The following TENM3 variants were observed in gnomAD, a reference collection of about 807,000 sequenced individuals.
TENM3 encodes teneurin-3.
TENM3 carries 63 observed loss-of-function variants against 255.1 expected under a neutral mutation model. The ratio of observed to expected loss-of-function variants is 0.25; its 90% CI spans 0.20 to 0.30. The LOEUF (loss-of-function observed/expected upper bound fraction) is 0.30, where lower values mean the gene tolerates loss of function less well. TENM3 is among the 10% of genes least tolerant of loss of function. The pLI is 1.00. For synonymous variants in TENM3, 1,306 were observed against 1,322.3 expected, an observed-to-expected ratio of 0.99 and a Z score of 0.27; for missense variants, 2,929 against 3,461.1, an observed-to-expected ratio of 0.85 and a Z score of 3.86.
intron 1 of TENM3, among the ~76,000 whole-genome samples, chr4:182,284,863 T>C (rs894343420): frequency 6.6e-6 from 1 of 152,198 alleles, no homozygotes; most frequent in African/African-American, 2.4e-5. Context: ...TCTGATTCTA[T>C]TAAGCATCAA....
the TENM3 span, among the ~76,000 whole-genome samples, chr4:181,855,629 G>GC: frequency 6.6e-6 from 1 of 152,148 alleles, no homozygotes; most frequent in South Asian, 2.1e-4. Context: ...TTGAACTTAA[G>GC]GTTATTATTC....
chr4:182,518,319 G>T (rs943593168), intron 3 of TENM3, among the ~76,000 whole-genome samples: 4 of 152,116 alleles, frequency 2.6e-5, no homozygotes, highest in Non-Finnish European at 5.9e-5. Flanking sequence ...CTGTGAGTGG[G>T]ATCTGTGAAT....
At position 182,793,188 on chromosome 4, in the gene TENM3, C is replaced by G. The variant is rs773829755; in HGVS notation, c.6516C>G (p.Pro2172=). The change falls in exon 26 of 28, where the codon CCC becomes CCG. Residue 2172 remains proline, a synonymous_variant. Coordinates refer to ENST00000511685, the MANE Select transcript of TENM3 (RefSeq NM_001080477.4). The surrounding 1 kb of genome is among the most constrained non-coding windows in gnomAD (Gnocchi z 5.7). The part of the protein sequence containing the change: ...LNPSNSARLT[P]LRYDLRDRIT... ...CAAGTAACAGTGCGCGTCTGACACC[C>G]CTTCGCTATGACCTGCGAGACAGAA... 6.2e-7 allele frequency: 1 copy of G among 1,613,974 alleles called. No homozygotes were observed.
chr4:182,681,116 C>T (rs1032582231), intron 10 of TENM3, among the ~76,000 whole-genome samples: 1 of 152,074 alleles, frequency 6.6e-6, no homozygotes, highest in Non-Finnish European at 1.5e-5. Context: ...ACATAATATG[C>T]TACCTAAAAG....
chr4:182,518,596 C>T (rs947447662), intron 3 of TENM3, among the ~76,000 whole-genome samples: 2 of 152,078 alleles, frequency 1.3e-5, no homozygotes, highest in Non-Finnish European at 2.9e-5. Flanking sequence ...GGCCTCAGTC[C>T]CATAGCTGCA....
intron 1 of TENM3, among the ~76,000 whole-genome samples, chr4:182,188,504 G>T (rs1394372626): frequency 1.3e-5 from 2 of 152,304 alleles, no homozygotes; most frequent in East Asian, 3.9e-4. Flanking sequence ...ACATTGCAAA[G>T]ACTAGGTTGA....
chr4:181,860,515 T>C, the TENM3 span, among the ~76,000 whole-genome samples: 1 of 152,210 alleles, frequency 6.6e-6, no homozygotes, highest in Non-Finnish European at 1.5e-5. Flanking sequence ...TTTGTGGTAA[T>C]AGAGGATTTC....
At chr4:181,950,412 G>A in the TENM3 span, among the ~76,000 whole-genome samples, 5 of 152,100 alleles carry the variant, frequency 3.3e-5, no homozygotes, top group African/African-American at 9.7e-5. Flanking sequence ...ACAGGGACGC[G>A]CATGAAACTT....
intron 24 of TENM3, among the ~76,000 whole-genome samples, chr4:182,777,372 G>A (rs1764755403): frequency 6.6e-6 from 1 of 151,910 alleles, no homozygotes; most frequent in South Asian, 2.1e-4. Context: ...CTGTGCCATT[G>A]CACCTAGATC....
At chr4:181,795,279 GGT>G in the TENM3 span, among the ~76,000 whole-genome samples, 1 of 151,968 alleles carries the variant, frequency 6.6e-6, no homozygotes, top group African/African-American at 2.4e-5. Context: ...TGGCTGACAT[GGT>G]TCTCTGTGAG....
rs556418935 is a variant in TENM3, at chr4:182,719,609, G to A, written c.2368+5376G>A. 2.9e-4 allele frequency among the ~76,000 whole-genome samples: 44 copies of A among 152,120 alleles called. No homozygotes were observed. In the East Asian group the frequency reaches 7.2e-3, roughly 25 times the overall value. ...TTATTACTTTTTGGGGGGTATATCA[G>A]GAAGATGTACCTAAAACAGGCCATT... On this transcript the variant is annotated intron_variant, in intron 13 of 27. Coordinates refer to ENST00000511685, the MANE Select transcript of TENM3 (RefSeq NM_001080477.4).
chr4:182,323,312 G>T (rs764269546), intron 1 of TENM3, among the ~76,000 whole-genome samples: 18 of 151,680 alleles, frequency 1.2e-4, no homozygotes, highest in Non-Finnish European at 2.5e-4. Flanking sequence ...TCCATTTTAA[G>T]CAGAATGGTA....
At chr4:182,477,235 A>G (rs928850265) in intron 3 of TENM3, among the ~76,000 whole-genome samples, 45 of 152,300 alleles carry the variant, frequency 3.0e-4, no homozygotes, top group East Asian at 5.8e-4. Context: ...TGAAATGACT[A>G]GAGAGTTGTA....
chr4:182,359,676 G>T, intron 3 of TENM3, among the ~76,000 whole-genome samples: 1 of 145,778 alleles, frequency 6.9e-6, no homozygotes, highest in Non-Finnish European at 1.5e-5. Flanking sequence ...ACCAGCTCCT[G>T]GATTCATTAA....
the TENM3 span, among the ~76,000 whole-genome samples, chr4:181,775,881 G>A: frequency 6.6e-6 from 1 of 152,046 alleles, no homozygotes; most frequent in Non-Finnish European, 1.5e-5. Flanking sequence ...AGAGTACTTA[G>A]GATATCAATC....
At chr4:182,310,512 G>C (rs1173806894) in intron 1 of TENM3, among the ~76,000 whole-genome samples, 2 of 152,138 alleles carry the variant, frequency 1.3e-5, no homozygotes, top group African/African-American at 2.4e-5. Flanking sequence ...GAAAAGAGTA[G>C]GCTCATTCCC....
At chr4:182,521,262 A>G (rs1738543843) in intron 3 of TENM3, among the ~76,000 whole-genome samples, 1 of 152,160 alleles carries the variant, frequency 6.6e-6, no homozygotes. Context: ...AAGCAACTTG[A>G]TGATAGGAAG....
the TENM3 span, among the ~76,000 whole-genome samples, chr4:181,894,592 G>A: frequency 6.6e-6 from 1 of 152,110 alleles, no homozygotes; most frequent in African/African-American, 2.4e-5. Flanking sequence ...AGAAGTGATT[G>A]GAAGTCGAAC....
chr4:182,196,682 A>G (rs545998853), intron 1 of TENM3, among the ~76,000 whole-genome samples: 3 of 152,288 alleles, frequency 2.0e-5, no homozygotes, highest in South Asian at 2.1e-4. Flanking sequence ...AGATTCTAGA[A>G]GCTCCTTTAA....
Sources: gnomAD v4.1 joint callset for allele counts (sites outside exome capture counted in the v4.1 genomes callset) on GRCh38, gnomAD v4.1.1 for gene constraint, Gnocchi (gnomAD v3.1) non-coding constraint, MANE v1.5 for transcripts, NCBI Gene and HGNC (gene_info 2026-07-23, HGNC 2026-07-21) for gene names.